The following MIER2 variants were observed in gnomAD, a reference collection of about 807,000 sequenced individuals.
MIER2 encodes the protein MIER family member 2.
A neutral mutation model predicts 67.6 loss-of-function variants in MIER2; 30 were observed. The ratio of observed to expected loss-of-function variants is 0.44; its 90% confidence interval spans 0.33 to 0.60. MIER2 has a LOEUF of 0.60. Ranked by LOEUF, MIER2 falls within the 20% of genes least tolerant of loss-of-function variation. The pLI, the probability that MIER2 is intolerant of heterozygous loss-of-function variation, is 0.02. For missense variants in MIER2, 702 were observed against 745.1 expected (o/e 0.94, Z 0.67); for synonymous variants, 372 against 312.6 (o/e 1.19, Z -2.00).
chr19:323,763 G>A (rs550831477), intron 7 of MIER2, among the ~76,000 whole-genome samples: 10 of 142,458 alleles, frequency 7.0e-5, no homozygotes, highest in East Asian at 4.3e-4. Context: ...GCAATACACA[G>A]GACACACACA....
chr19:335,622 A>G (rs569733586), intron 2 of MIER2, among the ~76,000 whole-genome samples: 17 of 152,314 alleles, frequency 1.1e-4, no homozygotes, highest in African/African-American at 4.1e-4. Context: ...TCCTCCCCGC[A>G]GGCCCAACGC....
chr19:321,129 G>A (rs73916885), intron 7 of MIER2, among the ~76,000 whole-genome samples: 3,156 of 152,282 alleles, frequency 0.021, 127 homozygotes, highest in African/African-American at 0.071. Context: ...CAGGTAACTC[G>A]CCTTCACTGA....
chr19:336,315 C>T (rs1972256520), intron 1 of MIER2, 142 bp from the exon 2 acceptor site: 3 of 655,778 alleles, frequency 4.6e-6, no homozygotes, highest in East Asian at 2.8e-5. Context: ...CCTCTGAGGG[C>T]TGGGGGGCAC....
intron 7 of MIER2, among the ~76,000 whole-genome samples, chr19:321,695 T>C (rs1464754954): frequency 1.3e-5 from 2 of 152,040 alleles, no homozygotes; most frequent in African/African-American, 2.4e-5. Context: ...AGTTTTAATC[T>C]TAAAACTTAC....
intron 1 of MIER2, 170 bp downstream of exon 1, chr19:344,604 G>A (rs1471136655): frequency 1.8e-5 from 5 of 285,602 alleles, no homozygotes; most frequent in Non-Finnish European, 2.6e-5. Flanking sequence ...GGCGGCCGCC[G>A]ATGGAGCCCC....
chr19:309,032 C>A (rs1356626939), intron 10 of MIER2, 107 bp from the exon 11 acceptor site: 3 of 1,450,140 alleles, frequency 2.1e-6, no homozygotes, highest in Non-Finnish European at 2.8e-6. Context: ...AGAAGGAGCA[C>A]AGCACCCACC....
intron 3 of MIER2, among the ~76,000 whole-genome samples, chr19:330,578 T>C (rs1043292257): frequency 2.0e-5 from 3 of 150,410 alleles, no homozygotes; most frequent in Admixed American, 6.6e-5. Context: ...AAAAAACTTA[T>C]GATAAGGCTG....
chr19:327,912 A>G lies in MIER2; in HGVS notation c.321T>C (p.Ser107=). 2 of 1,611,876 alleles carry G rather than the reference A, an allele frequency of 1.2e-6. No homozygotes were observed. The highest frequency in any genetic ancestry group is 2.2e-5 in the South Asian group (2 of 90,960). ...EASDPISDRE[S]EGGDVAPNLP... ...GGTTCGGGGCCACGTCACCACCCTC[A>G]CTCTCCCGGTCTGAAATGGGGTCTG... Residue 107 remains serine (S), a synonymous_variant, in exon 4 of 14, where the codon AGT becomes AGC. Coordinates refer to ENST00000264819, the MANE Select transcript of MIER2 (RefSeq NM_017550.3).
chr19:342,286 T>C (rs560633460), intron 1 of MIER2, among the ~76,000 whole-genome samples: 1 of 152,184 alleles, frequency 6.6e-6, no homozygotes, highest in South Asian at 2.1e-4. Flanking sequence ...GAGTTGCTAG[T>C]TTTGGACACA....
chr19:315,804 C>A (rs191149233), intron 7 of MIER2, among the ~76,000 whole-genome samples: 2 of 152,348 alleles, frequency 1.3e-5, no homozygotes, highest in Non-Finnish European at 1.5e-5. Context: ...GCCAAGAATT[C>A]TTCAAAACTG....
chr19:307,643 C>T, intron 12 of MIER2, 107 bp from the exon 13 acceptor site: 2 of 1,194,816 alleles, frequency 1.7e-6, no homozygotes, highest in Non-Finnish European at 2.2e-6. Context: ...GATCCCTCCC[C>T]AGAAAAGCCT....
At position 314,956 on chromosome 19, in the gene MIER2, G is replaced by A. The variant is rs191182914; in HGVS notation, c.656-1313C>T. 2.8e-4 allele frequency among the ~76,000 whole-genome samples: 43 copies of A among 152,154 alleles called. 1 individual carries two copies. The South Asian group carries it at 6.2e-3, about 22-fold the overall frequency. On this transcript the variant is annotated intron_variant, in intron 7 of 13. Transcript: ENST00000264819. ...CAGGCACGTCTGTAGTCCCAGCTAC[G>A]GTGGGATTGAGGCTAAGGTGGGACT...
chr19:328,752 T>TA (rs953378358), intron 3 of MIER2, among the ~76,000 whole-genome samples: 141 of 150,042 alleles, frequency 9.4e-4, no homozygotes, highest in Non-Finnish European at 1.3e-3. Context: ...TGTCTCAAAA[T>TA]AAAAAAAAAG....
chr19:315,548 A>C (rs975158006), intron 7 of MIER2, among the ~76,000 whole-genome samples: 3 of 152,268 alleles, frequency 2.0e-5, no homozygotes, highest in African/African-American at 4.8e-5. Flanking sequence ...AGGACCTTCC[A>C]GGACTGGATA....
rs900158593 is a variant in MIER2 at position 324,495 on chromosome 19, C to A, written c.655+1140G>T. Among the ~76,000 whole-genome samples the A allele has an allele frequency of 2.3e-4, 31 of 137,636 alleles. 4 individuals carry two copies. Among genetic ancestry groups the A allele is most frequent in the African/African-American group, 7.1e-4 (24 of 33,744 alleles). The allele number at this position is 137,636 out of a possible 152,430, so 90.3% of individuals were successfully genotyped here. On this transcript the variant is annotated intron_variant, in intron 7 of 13. Transcript: ENST00000264819. ...GCAATACACAAGACACACACAACCA[C>A]GCAGATGACTCGAAGGACACAGACG...
At chr19:331,091 G>T (rs1972001367) in intron 3 of MIER2, among the ~76,000 whole-genome samples, 1 of 152,126 alleles carries the variant, frequency 6.6e-6, no homozygotes, top group Admixed American at 6.6e-5. Flanking sequence ...ACCAGGCGTG[G>T]CTCATGCCTG....
chr19:307,138 G>A lies in MIER2; in HGVS notation c.1597C>T (p.His533Tyr). Residue 533 changes from histidine to tyrosine, a missense_variant, in exon 13 of 14, where the codon CAC (histidine) becomes TAC (tyrosine). His to Tyr is a moderately conservative substitution (Grantham distance 83, BLOSUM62 2). Coordinates refer to ENST00000264819, the MANE Select transcript of MIER2 (RefSeq NM_017550.3). ...ACTCACTGTGACAGGGGCTCCGAGT[G>A]TAGCCCGGGGGCCGGGCACGTGGGG... Reference protein sequence around the residue: ...AHPTCPAPGLHSEPLSHCNVM... With the variant: ...AHPTCPAPGLYSEPLSHCNVM... The A allele has an allele frequency of 6.3e-7, 1 of 1,585,134 alleles. No individual in the cohort carries two copies. The highest frequency in any genetic ancestry group is 8.6e-7 in the Non-Finnish European group (1 of 1,165,978).
chr19:319,542 G>A (rs914575783), intron 7 of MIER2, among the ~76,000 whole-genome samples: 3 of 152,174 alleles, frequency 2.0e-5, no homozygotes, highest in East Asian at 3.9e-4. Context: ...CACTGCAACC[G>A]CTGCCTCCCG....
intron 8 of MIER2, among the ~76,000 whole-genome samples, 183 bp from the exon 9 acceptor site, chr19:312,455 C>T (rs1971063491): frequency 3.9e-5 from 4 of 103,790 alleles, no homozygotes; most frequent in African/African-American, 1.2e-4. Flanking sequence ...CCCTCCTGGG[C>T]GATGTCAGGG....
Sources: gnomAD v4.1 joint callset for allele counts (sites outside exome capture counted in the v4.1 genomes callset) on GRCh38, gnomAD v4.1.1 for gene constraint, MANE v1.5 for transcripts, NCBI Gene and HGNC (gene_info 2026-07-23, HGNC 2026-07-21) for gene names.